Variants in SLC25A26 observed in about 807,000 individuals in gnomAD.
SLC25A26 encodes the protein solute carrier family 25 member 26.
SLC25A26 carries 36 observed loss-of-function variants against 37.8 expected under a neutral mutation model. The ratio of observed to expected loss-of-function variants is 0.95; its 90% CI spans 0.73 to 1.26. The LOEUF is 1.26. Ranked by LOEUF, SLC25A26 falls within the 50% of genes most tolerant of loss-of-function variation. SLC25A26 has a pLI of 0.00. For missense variants in SLC25A26, 390 were observed against 331.1 expected (o/e 1.18, Z -1.38); for synonymous variants, 129 against 122.5 (o/e 1.05, Z -0.35).
At chr3:66,242,775 T>A (rs1268814639) in intron 2 of SLC25A26, among the ~76,000 whole-genome samples, 1 of 152,196 alleles carries the variant, frequency 6.6e-6, no homozygotes, top group Non-Finnish European at 1.5e-5. Flanking sequence ...AATAAAACAT[T>A]ATAGAATAGA....
At chr3:66,226,378 C>T (rs575725766) in intron 1 of SLC25A26, among the ~76,000 whole-genome samples, 2 of 152,322 alleles carry the variant, frequency 1.3e-5, no homozygotes, top group Admixed American at 1.3e-4. Flanking sequence ...TCAATTACCT[C>T]CCACCAGGCC....
intron 5 of SLC25A26, among the ~76,000 whole-genome samples, chr3:66,286,027 C>T (rs2074501930): frequency 6.6e-6 from 1 of 152,144 alleles, no homozygotes; most frequent in Non-Finnish European, 1.5e-5. Flanking sequence ...CGTGAAGTAT[C>T]TGTTCAGTCT....
intron 5 of SLC25A26, among the ~76,000 whole-genome samples, chr3:66,276,541 C>T (rs2074153663): frequency 1.3e-5 from 2 of 152,076 alleles, no homozygotes; most frequent in African/African-American, 2.4e-5. Context: ...TGAGATGCTT[C>T]TAAAACAGCC....
chr3:66,261,066 C>T (rs545656722), intron 3 of SLC25A26, among the ~76,000 whole-genome samples: 3 of 152,196 alleles, frequency 2.0e-5, no homozygotes, highest in Non-Finnish European at 2.9e-5. Context: ...GGTTTTCTTA[C>T]ATTTCTTGCA....
intron 6 of SLC25A26, among the ~76,000 whole-genome samples, chr3:66,358,101 A>G (rs2076617643): frequency 6.6e-6 from 1 of 152,238 alleles, no homozygotes; most frequent in Admixed American, 6.5e-5. Flanking sequence ...GTCTAAAATT[A>G]TGTGAATGTC....
chr3:66,212,856 TATAA>T (rs2071303226), intron 1 of SLC25A26, among the ~76,000 whole-genome samples: 1 of 152,236 alleles, frequency 6.6e-6, no homozygotes, highest in Non-Finnish European at 1.5e-5. Flanking sequence ...CTACCATATG[TATAA>T]ATGTACATTC....
At chr3:66,378,921 AAAGT>A (rs1448971726) in exon 10 of SLC25A26, 2 of 152,658 alleles carry the variant, frequency 1.3e-5, no homozygotes, top group Non-Finnish European at 2.9e-5. Context: ...TTTGTACATA[AAAGT>A]AATACTCCCT....
chr3:66,349,140 A>G (rs2076393148), intron 6 of SLC25A26, among the ~76,000 whole-genome samples: 1 of 152,246 alleles, frequency 6.6e-6, no homozygotes, highest in African/African-American at 2.4e-5. Flanking sequence ...TAGTTAAGAA[A>G]TGTCCAGAAT....
chr3:66,174,893 T>G (rs547693379), intron 1 of SLC25A26, among the ~76,000 whole-genome samples: 22 of 151,614 alleles, frequency 1.5e-4, no homozygotes, highest in African/African-American at 5.1e-4. Context: ...ATGTAGTCAG[T>G]ACAGCTTGGT....
rs1221556525 is a variant in SLC25A26, at chr3:66,351,149, C to G, written c.498+4741C>G. Among the ~76,000 whole-genome samples, 3 of 152,084 alleles carry G rather than the reference C, an allele frequency of 2.0e-5. No homozygotes were observed. In the East Asian group the frequency reaches 5.8e-4, roughly 30 times the overall value. ...GATGAATAAGAAATGGCTTAATGCCCTTGAGGAGCTGAGAGTCCGTCAGAG... is the reference window on the plus strand; with the variant it reads ...GATGAATAAGAAATGGCTTAATGCCGTTGAGGAGCTGAGAGTCCGTCAGAG... On this transcript the variant is annotated intron_variant, in intron 6 of 9. Transcript: ENST00000354883.
At chr3:66,327,885 ATT>A (rs56004357) in intron 5 of SLC25A26, among the ~76,000 whole-genome samples, 1 of 146,264 alleles carries the variant, frequency 6.8e-6, no homozygotes. Context: ...CAAGTAGGGG[ATT>A]TTTTTTTTTT....
chr3:66,345,677 C>CCTTACCTTCCTT (rs2076305088), intron 5 of SLC25A26, among the ~76,000 whole-genome samples: 1 of 152,130 alleles, frequency 6.6e-6, no homozygotes, highest in Admixed American at 6.6e-5. Flanking sequence ...TCCCACCACC[C>CCTTACCTTCCTT]CTTACCTTCC....
intron 1 of SLC25A26, among the ~76,000 whole-genome samples, chr3:66,146,214 C>A (rs543913042): frequency 8.5e-4 from 130 of 152,058 alleles, no homozygotes; most frequent in African/African-American, 3.0e-3. Flanking sequence ...GTGGCAGGCA[C>A]CTGTAACCTC....
chr3:66,176,660 C>T (rs1054743272), intron 1 of SLC25A26, among the ~76,000 whole-genome samples: 2 of 152,134 alleles, frequency 1.3e-5, no homozygotes, highest in African/African-American at 2.4e-5. Context: ...GTTTACTTGA[C>T]TCATGGTTTG....
intron 1 of SLC25A26, among the ~76,000 whole-genome samples, chr3:66,184,326 C>T (rs1314850461): frequency 1.3e-5 from 2 of 152,040 alleles, no homozygotes; most frequent in Non-Finnish European, 2.9e-5. Context: ...GACTGTAGCC[C>T]TTACCCTCAC....
At chr3:66,327,723 C>T (rs2075873125) in intron 5 of SLC25A26, among the ~76,000 whole-genome samples, 3 of 152,046 alleles carry the variant, frequency 2.0e-5, no homozygotes, top group African/African-American at 4.8e-5. Flanking sequence ...GATTGACATA[C>T]AAAAAGCTAC....
At position 66,318,578 on chromosome 3, in the gene SLC25A26, CCTT is replaced by C. The variant is rs532329854; in HGVS notation, c.454-27783_454-27781del. Among the ~76,000 whole-genome samples the C allele has an allele frequency of 5.9e-5, 9 of 152,084 alleles. No homozygotes were observed. In the East Asian group the frequency reaches 1.7e-3, roughly 29 times the overall value. On this transcript the variant is annotated intron_variant, in intron 5 of 9. Coordinates refer to ENST00000354883, the MANE Select transcript of SLC25A26 (RefSeq NM_001379210.1). ...TGCAGAATTCACTCACCATTTTTGT[CCTT>C]CTCAGTGGAAGCCACAGAGCAGAGC...
At chr3:66,248,517 G>A (rs77090316) in intron 3 of SLC25A26, among the ~76,000 whole-genome samples, 4,535 of 152,200 alleles carry the variant, frequency 0.03, 94 homozygotes, top group Middle Eastern at 0.068. Flanking sequence ...TTCTTCAAAG[G>A]TTTTAAGATT....
At chr3:66,264,544 A>T (rs1308190577) in intron 5 of SLC25A26, among the ~76,000 whole-genome samples, 1 of 152,230 alleles carries the variant, frequency 6.6e-6, no homozygotes, top group Non-Finnish European at 1.5e-5. Flanking sequence ...AGATTCTCAT[A>T]GGAACACGAA....
Sources: gnomAD v4.1 joint callset for allele counts (sites outside exome capture counted in the v4.1 genomes callset) on GRCh38, gnomAD v4.1.1 for gene constraint, MANE v1.5 for transcripts, NCBI Gene and HGNC (gene_info 2026-07-23, HGNC 2026-07-21) for gene names.